The following STK32B variants were observed in gnomAD, a reference collection of about 807,000 sequenced individuals.
STK32B encodes the protein serine/threonine-protein kinase 32B.
Under a neutral mutation model 52.6 loss-of-function variants are expected in STK32B, and 43 were observed. That is an observed-to-expected ratio of 0.82 (90% CI 0.64 to 1.05). The LOEUF is 1.05. Among genes scored for constraint, STK32B ranks in the 50% least tolerant of loss-of-function variants. The pLI is 0.00. For missense variants in STK32B, 621 were observed against 534.6 expected, an observed-to-expected ratio of 1.16 and a Z score of -1.59; for synonymous variants, 238 against 204.3, an observed-to-expected ratio of 1.17 and a Z score of -1.41.
chr4:5,185,075 A>T (rs1263342635), intron 3 of STK32B, among the ~76,000 whole-genome samples: 2 of 152,222 alleles, frequency 1.3e-5, no homozygotes, highest in Non-Finnish European at 1.5e-5. Flanking sequence ...CTTTTGGAAA[A>T]TGTGTCTTGC....
At chr4:5,275,453 T>C (rs920325107) in intron 3 of STK32B, among the ~76,000 whole-genome samples, 6 of 152,184 alleles carry the variant, frequency 3.9e-5, no homozygotes, top group African/African-American at 1.4e-4. Flanking sequence ...GTCTGGGCAC[T>C]CTCTCACCCA....
chr4:5,318,057 A>G (rs1298779545), intron 3 of STK32B, among the ~76,000 whole-genome samples: 1 of 152,110 alleles, frequency 6.6e-6, no homozygotes, highest in Non-Finnish European at 1.5e-5. Context: ...CCACTGGTAG[A>G]GAAAGTCTTG....
At chr4:5,295,906 TC>T (rs1256580434) in intron 3 of STK32B, among the ~76,000 whole-genome samples, 1 of 152,172 alleles carries the variant, frequency 6.6e-6, no homozygotes, top group East Asian at 1.9e-4. Flanking sequence ...GGGCATTTAG[TC>T]CTATAAATTT....
chr4:5,120,441 A>T (rs567657613), intron 1 of STK32B, among the ~76,000 whole-genome samples: 8 of 152,350 alleles, frequency 5.3e-5, no homozygotes, highest in African/African-American at 1.9e-4. Flanking sequence ...TTATTACTGT[A>T]TACTGTTATA....
At chr4:5,045,861 A>G in the STK32B span, among the ~76,000 whole-genome samples, 1 of 152,154 alleles carries the variant, frequency 6.6e-6, no homozygotes, top group South Asian at 2.1e-4. Flanking sequence ...AGCAGAGACA[A>G]TTTGACTTCC....
At chr4:5,331,951 G>C (rs1011704038) in intron 4 of STK32B, among the ~76,000 whole-genome samples, 5 of 152,110 alleles carry the variant, frequency 3.3e-5, no homozygotes, top group Admixed American at 2.0e-4. Flanking sequence ...GCAGAAGCTG[G>C]AACTCAATGA....
chr4:5,248,379 G>T (rs1725617403), intron 3 of STK32B, among the ~76,000 whole-genome samples: 1 of 152,192 alleles, frequency 6.6e-6, no homozygotes, highest in African/African-American at 2.4e-5. Flanking sequence ...ACAAAGAAAG[G>T]GACCTGAAGA....
intron 3 of STK32B, among the ~76,000 whole-genome samples, chr4:5,202,454 C>G (rs183549406): frequency 9.4e-4 from 143 of 152,374 alleles, no homozygotes; most frequent in African/African-American, 3.4e-3. Context: ...GTGGATCTAC[C>G]ATTCTGGAGG....
intron 3 of STK32B, among the ~76,000 whole-genome samples, chr4:5,275,905 C>G (rs967752675): frequency 4.6e-4 from 70 of 152,206 alleles, no homozygotes; most frequent in African/African-American, 1.7e-3. Flanking sequence ...GCCATGCATC[C>G]AGTCACCTGC....
intron 1 of STK32B, among the ~76,000 whole-genome samples, chr4:5,113,416 A>G (rs1177786894): frequency 1.3e-5 from 2 of 152,206 alleles, no homozygotes; most frequent in East Asian, 3.9e-4. Flanking sequence ...CAAATAGACC[A>G]AGACACCGTG....
intron 1 of STK32B, among the ~76,000 whole-genome samples, chr4:5,084,477 A>G (rs1439238969): frequency 6.6e-6 from 1 of 152,248 alleles, no homozygotes; most frequent in Non-Finnish European, 1.5e-5. Flanking sequence ...AATGATATTT[A>G]TGAAGAATTT....
chr4:5,298,133 T>A (rs1729323270), intron 3 of STK32B, among the ~76,000 whole-genome samples: 1 of 152,162 alleles, frequency 6.6e-6, no homozygotes, highest in Non-Finnish European at 1.5e-5. Flanking sequence ...CAGCAAAGAT[T>A]GCTGCCTGCT....
intron 3 of STK32B, among the ~76,000 whole-genome samples, chr4:5,250,736 G>T (rs964867242): frequency 8.5e-5 from 13 of 152,078 alleles, no homozygotes; most frequent in African/African-American, 2.9e-4. Flanking sequence ...GTTATTTTTT[G>T]ACTTTTTAAT....
At chr4:5,350,955 C>T (rs969479263) in intron 4 of STK32B, among the ~76,000 whole-genome samples, 3 of 151,840 alleles carry the variant, frequency 2.0e-5, no homozygotes, top group African/African-American at 2.4e-5. Flanking sequence ...GTGGAGCACC[C>T]AGATATATAA....
At chr4:5,035,742 A>G in the STK32B span, among the ~76,000 whole-genome samples, 1 of 152,126 alleles carries the variant, frequency 6.6e-6, no homozygotes, top group African/African-American at 2.4e-5. Context: ...TACAATTAGA[A>G]TGTATTTTCA....
chr4:5,304,860 C>G (rs1354632294), intron 3 of STK32B, among the ~76,000 whole-genome samples: 1 of 151,844 alleles, frequency 6.6e-6, no homozygotes, highest in Non-Finnish European at 1.5e-5. Context: ...AAGGTATGTC[C>G]CTTCTATGCT....
chr4:5,369,884 G>GTTTGT (rs1735115699), intron 4 of STK32B, among the ~76,000 whole-genome samples: 1 of 150,226 alleles, frequency 6.7e-6, no homozygotes, highest in Non-Finnish European at 1.5e-5. Flanking sequence ...TTGTTTGTTT[G>GTTTGT]TTTTTTTTTG....
intron 3 of STK32B, among the ~76,000 whole-genome samples, chr4:5,328,962 CTT>C (rs1298934568): frequency 6.6e-6 from 1 of 152,168 alleles, no homozygotes; most frequent in Non-Finnish European, 1.5e-5. Flanking sequence ...AATCCCAACA[CTT>C]TGGGAGGCCA....
At chr4:5,326,410 G>A (rs899476951) in intron 3 of STK32B, among the ~76,000 whole-genome samples, 1 of 152,162 alleles carries the variant, frequency 6.6e-6, no homozygotes, top group South Asian at 2.1e-4. Flanking sequence ...CATTGCCCAT[G>A]TAAATATGAA....
Sources: allele counts gnomAD v4.1 joint callset (sites outside exome capture counted in the v4.1 genomes callset), GRCh38; gene constraint gnomAD v4.1.1; transcripts MANE v1.5; gene names NCBI Gene and HGNC (gene_info 2026-07-23, HGNC 2026-07-21).